The following ST6GALNAC3 variants were observed in gnomAD, a reference collection of about 807,000 sequenced individuals.
The protein encoded by ST6GALNAC3 is alpha-N-acetylgalactosaminide alpha-2,6-sialyltransferase 3.
A neutral mutation model predicts 32.7 loss-of-function variants in ST6GALNAC3; 25 were observed. The ratio of observed to expected loss-of-function variants is 0.76; its 90% confidence interval spans 0.56 to 1.07. ST6GALNAC3 has a LOEUF of 1.07. Ranked by LOEUF, ST6GALNAC3 falls within the 50% of genes least tolerant of loss-of-function variation. ST6GALNAC3 has a pLI of 0.00. For missense variants in ST6GALNAC3, 355 were observed against 382.4 expected (o/e 0.93, Z 0.60); for synonymous variants, 129 against 133.1 (o/e 0.97, Z 0.21).
chr1:76,533,522 C>T (rs1334209321), intron 3 of ST6GALNAC3, among the ~76,000 whole-genome samples: 1 of 152,140 alleles, frequency 6.6e-6, no homozygotes, highest in African/African-American at 2.4e-5. Context: ...CTATTACTTC[C>T]ACTCTGAGGC....
rs190430586 is a variant in ST6GALNAC3, at chr1:76,480,617, T to A, written c.623+68200T>A. 2.6e-3 allele frequency among the ~76,000 whole-genome samples: 401 copies of A among 152,216 alleles called. 1 individual carries two copies. Among genetic ancestry groups the A allele is most frequent in the African/African-American group, 9.4e-3 (390 of 41,568 alleles). ...CTCCAAGGAAGAAAGTAGATAAAGA[T>A]CCTTTCATCATCAGTTGTAGGACTG... On this transcript the variant is annotated intron_variant, in intron 3 of 4. Coordinates refer to ENST00000328299, the MANE Select transcript of ST6GALNAC3 (RefSeq NM_152996.4).
chr1:76,592,387 G>C (rs1233825612), intron 3 of ST6GALNAC3, among the ~76,000 whole-genome samples: 1 of 152,168 alleles, frequency 6.6e-6, no homozygotes, highest in Admixed American at 6.5e-5. Context: ...CTACATGACT[G>C]CTGACACCAT....
intron 1 of ST6GALNAC3, among the ~76,000 whole-genome samples, chr1:76,127,985 A>G (rs570888085): frequency 6.6e-6 from 1 of 152,140 alleles, no homozygotes; most frequent in Non-Finnish European, 1.5e-5. Flanking sequence ...GTTCCTATGT[A>G]GCAGTTATTC....
chr1:76,488,386 C>A (rs1186983469), intron 3 of ST6GALNAC3, among the ~76,000 whole-genome samples: 1 of 152,146 alleles, frequency 6.6e-6, no homozygotes, highest in African/African-American at 2.4e-5. Flanking sequence ...CAACCAGGCG[C>A]TAGCACCATG....
chr1:76,257,449 G>A lies in ST6GALNAC3; in HGVS notation c.19-56356G>A, dbSNP rs990702094. Among the ~76,000 whole-genome samples the A allele has an allele frequency of 2.0e-5, 3 of 152,042 alleles. No individual in the cohort carries two copies. In the East Asian group the frequency reaches 5.8e-4, roughly 29 times the overall value. Reference sequence around the variant, plus strand: ...GATTCTGATTTAGTACATTTGGGGTGGAATCCAGGCATCTACATTTTTAAA... The same window carrying A: ...GATTCTGATTTAGTACATTTGGGGTAGAATCCAGGCATCTACATTTTTAAA... On this transcript the variant is annotated intron_variant, in intron 1 of 4. Coordinates refer to ENST00000328299, the MANE Select transcript of ST6GALNAC3 (RefSeq NM_152996.4).
At chr1:76,194,012 A>T (rs1654055507) in intron 1 of ST6GALNAC3, among the ~76,000 whole-genome samples, 1 of 152,134 alleles carries the variant, frequency 6.6e-6, no homozygotes, top group Admixed American at 6.5e-5. Flanking sequence ...ACTCCCATAG[A>T]TACATTTTGA....
intron 2 of ST6GALNAC3, among the ~76,000 whole-genome samples, chr1:76,390,174 G>A (rs1293144771): frequency 1.3e-5 from 2 of 151,952 alleles, no homozygotes; most frequent in Non-Finnish European, 2.9e-5. Context: ...TTTTGTTTTG[G>A]TGAAGCCATT....
At chr1:76,381,168 T>TAAAA (rs71852050) in intron 2 of ST6GALNAC3, among the ~76,000 whole-genome samples, 3 of 90,288 alleles carry the variant, frequency 3.3e-5, no homozygotes, top group Non-Finnish European at 7.3e-5. Context: ...TTTGGGCTGC[T>TAAAA]AAAAAAAAAA....
chr1:76,104,597 T>C (rs1309600979), intron 1 of ST6GALNAC3, among the ~76,000 whole-genome samples: 1 of 148,492 alleles, frequency 6.7e-6, no homozygotes, highest in Non-Finnish European at 1.5e-5. Context: ...CTTCCCTTGA[T>C]CCTGGCCTGA....
intron 2 of ST6GALNAC3, among the ~76,000 whole-genome samples, chr1:76,377,050 C>A (rs1053423630): frequency 2.6e-5 from 4 of 151,980 alleles, no homozygotes; most frequent in Non-Finnish European, 5.9e-5. Flanking sequence ...ACTAGCAAAC[C>A]AAAACACTCC....
At chr1:76,202,870 A>G (rs767188510) in intron 1 of ST6GALNAC3, among the ~76,000 whole-genome samples, 12 of 152,184 alleles carry the variant, frequency 7.9e-5, no homozygotes, top group Non-Finnish European at 1.6e-4. Flanking sequence ...AATGTTCTTC[A>G]GTTCATTTTA....
At chr1:76,358,533 C>A (rs1649676058) in intron 2 of ST6GALNAC3, among the ~76,000 whole-genome samples, 2 of 152,116 alleles carry the variant, frequency 1.3e-5, no homozygotes, top group East Asian at 3.8e-4. Context: ...AGAGATAGAT[C>A]ATTTCCTCAT....
At chr1:76,203,649 G>A (rs1654660831) in intron 1 of ST6GALNAC3, among the ~76,000 whole-genome samples, 1 of 152,066 alleles carries the variant, frequency 6.6e-6, no homozygotes, top group Non-Finnish European at 1.5e-5. Flanking sequence ...TTTGTATTTA[G>A]CATGTTTATT....
chr1:76,615,333 G>GC (rs1648225525), intron 3 of ST6GALNAC3, among the ~76,000 whole-genome samples: 1 of 152,082 alleles, frequency 6.6e-6, no homozygotes, highest in Non-Finnish European at 1.5e-5. Flanking sequence ...TTAAGACTCA[G>GC]CAGAGCTAAG....
intron 1 of ST6GALNAC3, among the ~76,000 whole-genome samples, chr1:76,078,316 C>G (rs1212985225): frequency 6.6e-6 from 1 of 152,076 alleles, no homozygotes; most frequent in East Asian, 1.9e-4. Flanking sequence ...TAAGAAGAGA[C>G]CCCCATGCTG....
chr1:76,111,075 A>G (rs1647896911), intron 1 of ST6GALNAC3, among the ~76,000 whole-genome samples: 1 of 152,200 alleles, frequency 6.6e-6, no homozygotes, highest in South Asian at 2.1e-4. Context: ...AGGCTTAGAG[A>G]TATTAGGAAC....
At chr1:76,455,621 C>T (rs1283473356) in intron 3 of ST6GALNAC3, among the ~76,000 whole-genome samples, 1 of 152,050 alleles carries the variant, frequency 6.6e-6, no homozygotes, top group Non-Finnish European at 1.5e-5. Context: ...CCATTGTGTC[C>T]GTTGCTCTCT....
intron 3 of ST6GALNAC3, among the ~76,000 whole-genome samples, chr1:76,527,762 C>T (rs1347747149): frequency 6.6e-6 from 1 of 152,042 alleles, no homozygotes; most frequent in African/African-American, 2.4e-5. Flanking sequence ...CCTTGTGCTG[C>T]CAGAATAGCA....
intron 1 of ST6GALNAC3, among the ~76,000 whole-genome samples, chr1:76,185,335 A>C (rs1265563031): frequency 1.3e-5 from 2 of 152,220 alleles, no homozygotes; most frequent in Non-Finnish European, 2.9e-5. Context: ...GGTTCACAAC[A>C]CATGCACCAT....
Sources: allele counts gnomAD v4.1 joint callset (sites outside exome capture counted in the v4.1 genomes callset), GRCh38; gene constraint gnomAD v4.1.1; transcripts MANE v1.5; gene names NCBI Gene and HGNC (gene_info 2026-07-23, HGNC 2026-07-21).